The following FAM209A variants were observed in gnomAD, a reference collection of about 807,000 sequenced individuals.
FAM209A encodes the protein family with sequence similarity 209 member A.
A neutral mutation model predicts 9.8 loss-of-function variants in FAM209A; 4 were observed. That is an observed-to-expected ratio of 0.41 (90% CI 0.20 to 0.94). The LOEUF (loss-of-function observed/expected upper bound fraction) is 0.94, where lower values mean the gene tolerates loss of function less well. Ranked by LOEUF, FAM209A falls within the 40% of genes least tolerant of loss-of-function variation. FAM209A has a pLI of 0.32. For synonymous variants in FAM209A, 55 were observed against 77.8 expected (o/e 0.71, Z 1.54); for missense variants, 205 against 209.4 (o/e 0.98, Z 0.13).
At chr20:56,526,766 G>GA (rs527535496), downstream of FAM209A, among the ~76,000 whole-genome samples, 2 of 151,882 alleles carry the variant, frequency 1.3e-5, no homozygotes, top group South Asian at 2.1e-4. Flanking sequence ...CATCTCAAAA[G>GA]AAAAAAACAA....
the FAM209A span, chr20:56,533,577 G>A: frequency 7.4e-6 from 12 of 1,614,140 alleles, no homozygotes; most frequent in East Asian, 6.7e-5. Context: ...CAAAGAGACA[G>A]TGAGAAGAAT....
At chr20:56,533,562 A>G in the FAM209A span, 1 of 1,614,186 alleles carries the variant, frequency 6.2e-7, no homozygotes, top group South Asian at 1.1e-5. Flanking sequence ...GTGATACTGC[A>G]GTGTCAAAGA....
Position 56,525,801 on chromosome 20 carries a change from C to T in FAM209A, c.250-3C>T. The T allele has an allele frequency of 6.2e-6, 10 of 1,612,594 alleles. No individual in the cohort carries two copies. Among genetic ancestry groups the T allele is most frequent in the Non-Finnish European group, 8.5e-6 (10 of 1,179,422 alleles). On this transcript the variant is annotated splice_region_variant and splice_polypyrimidine_tract_variant and intron_variant, in intron 1 of 1. Coordinates refer to ENST00000371328, the MANE Select transcript of FAM209A (RefSeq NM_001012971.4). ...TACTGACCTTGAGTATCTTTCCTGACAGGAGCAGAGTCCTCCTGGCCTTCG... is the reference window on the plus strand; with the variant it reads ...TACTGACCTTGAGTATCTTTCCTGATAGGAGCAGAGTCCTCCTGGCCTTCG...
At chr20:56,529,434 T>C (rs751075353), downstream of FAM209A, among the ~76,000 whole-genome samples, 8 of 152,066 alleles carry the variant, frequency 5.3e-5, no homozygotes, top group Non-Finnish European at 1.2e-4. Flanking sequence ...GGAGAATTGC[T>C]TGAACCCTGG....
intron 1 of FAM209A, 114 bp downstream of exon 1, chr20:56,525,171 T>C: frequency 1.4e-6 from 2 of 1,446,196 alleles, no homozygotes; most frequent in East Asian, 2.3e-5. Flanking sequence ...ACCGACCTCA[T>C]GGTCCTGGGC....
chr20:56,527,810 C>T (rs570063869), downstream of FAM209A, among the ~76,000 whole-genome samples: 19 of 152,284 alleles, frequency 1.2e-4, no homozygotes, highest in East Asian at 2.1e-3. Context: ...AGCATCTTCC[C>T]GGGAAGAATA....
downstream of FAM209A, among the ~76,000 whole-genome samples, chr20:56,527,088 G>A (rs550214344): frequency 2.9e-4 from 44 of 152,254 alleles, no homozygotes; most frequent in African/African-American, 9.6e-4. Context: ...TTAGGTGCTT[G>A]CCTAATGGTG....
At chr20:56,533,061 G>C in the FAM209A span, 14 of 739,778 alleles carry the variant, frequency 1.9e-5, no homozygotes, top group South Asian at 6.0e-5. Flanking sequence ...GCAAAAGCTC[G>C]AGGGTTGGAA....
chr20:56,525,596 A>C (rs548227905), intron 1 of FAM209A, among the ~76,000 whole-genome samples: 2 of 152,220 alleles, frequency 1.3e-5, no homozygotes, highest in South Asian at 4.2e-4. Flanking sequence ...CCCTAGAAAG[A>C]CCCAGCACTT....
At chr20:56,530,600 G>A (rs144876162), downstream of FAM209A, among the ~76,000 whole-genome samples, 4 of 151,724 alleles carry the variant, frequency 2.6e-5, no homozygotes, top group Admixed American at 6.6e-5. Flanking sequence ...GGGCTCAAGC[G>A]ATTCTCCTGC....
At chr20:56,526,188 T>C (rs189557373), downstream of FAM209A, 17 of 1,423,812 alleles carry the variant, frequency 1.2e-5, no homozygotes, top group Non-Finnish European at 1.6e-5. Flanking sequence ...TTTCTTTTTT[T>C]CACTAGAAGA....
At position 56,525,894 on chromosome 20, in the gene FAM209A, A is replaced by G; in HGVS notation, c.340A>G (p.Asn114Asp). The G allele has an allele frequency of 2.5e-6, 4 of 1,614,258 alleles. No individual in the cohort carries two copies. The highest frequency in any genetic ancestry group is 2.2e-5 in the East Asian group (1 of 44,892). ...TTCCCCCAACAAAGACTGTGCATTC[A>G]ATACCTTAATGGAACTCGAGGTGGA... ...NASPNKDCAF[N>D]TLMELEVELM... The change falls in exon 2 of 2, where the codon AAT becomes GAT. Residue 114 changes from asparagine (N) to aspartate (D), a missense_variant. Coordinates refer to ENST00000371328, the MANE Select transcript of FAM209A (RefSeq NM_001012971.4).
At chr20:56,533,585 A>G in the FAM209A span, 1 of 1,614,130 alleles carries the variant, frequency 6.2e-7, no homozygotes. Flanking sequence ...CAGTGAGAAG[A>G]ATAAGGTAAG....
the FAM209A span, among the ~76,000 whole-genome samples, chr20:56,531,332 C>G: frequency 7.1e-6 from 1 of 140,668 alleles, no homozygotes; most frequent in Non-Finnish European, 1.5e-5. Flanking sequence ...GAGTTTCGCT[C>G]TTGTTGCCCA....
downstream of FAM209A, chr20:56,526,236 G>C: frequency 1.9e-6 from 2 of 1,048,786 alleles, no homozygotes; most frequent in East Asian, 2.7e-5. Flanking sequence ...AGCAGTGATG[G>C]TTTTGTTTTT....
chr20:56,531,974 C>CTTTTTTTTTTT, the FAM209A span, among the ~76,000 whole-genome samples: 8 of 113,030 alleles, frequency 7.1e-5, no homozygotes, highest in Non-Finnish European at 8.6e-5. Flanking sequence ...CTTTTCTTTT[C>CTTTTTTTTTTT]TTTTTTTTTT....
intron 1 of FAM209A, 61 bp from the exon 2 acceptor site, chr20:56,525,743 G>T: frequency 1.3e-6 from 2 of 1,549,638 alleles, no homozygotes; most frequent in Non-Finnish European, 1.8e-6. Flanking sequence ...GTTGTAACAC[G>T]AACTGTGTCA....
In FAM209A at chr20:56,526,025, C is replaced by G; in HGVS notation, c.471C>G (p.Tyr157Ter). 1.2e-6 allele frequency: 2 copies of G among 1,613,476 alleles called. No homozygotes were observed. The highest frequency in any genetic ancestry group is 1.7e-5 in the Admixed American group (1 of 59,946). The change falls in exon 2 of 2, where the codon TAC (tyrosine) becomes TAG (stop). Residue 157 changes from tyrosine to a stop codon, truncating the protein, a stop_gained. Coordinates refer to ENST00000371328, the MANE Select transcript of FAM209A (RefSeq NM_001012971.4). LOFTEE classifies it high-confidence loss of function. The stretch of plus-strand genomic sequence containing the variant: ...AGTCAGAGATGCCTGCAGATCCATA[C>G]CATGTCACGATCTGTGAAATATGGG... ...LRKSEMPADP[Y>*]HVTICEIWGE...
chr20:56,533,374 T>C, the FAM209A span: 37 of 1,614,134 alleles, frequency 2.3e-5, no homozygotes, highest in Middle Eastern at 1.6e-3. Context: ...TGGTCCTGCT[T>C]CTGTGCCTCA....
Sources: allele counts gnomAD v4.1 joint callset (sites outside exome capture counted in the v4.1 genomes callset), GRCh38; gene constraint gnomAD v4.1.1; transcripts MANE v1.5; gene names NCBI Gene and HGNC (gene_info 2026-07-23, HGNC 2026-07-21).